CMKLR1: variants seen among roughly 807,000 people sequenced by gnomAD.
CMKLR1 encodes chemerin chemokine-like receptor 1.
CMKLR1 carries 6 observed loss-of-function variants against 8.2 expected under a neutral mutation model. The observed-to-expected ratio is 0.73, with a 90% CI of 0.40 to 1.44. The LOEUF is 1.44. Ranked by LOEUF, CMKLR1 falls within the 40% of genes most tolerant of loss-of-function variation. The pLI is 0.02. For missense variants in CMKLR1, 429 were observed against 478.0 expected (o/e 0.90, Z 0.96); for synonymous variants, 178 against 181.2 (o/e 0.98, Z 0.14).
chr12:108,324,153 G>A (rs917727732), intron 2 of CMKLR1, among the ~76,000 whole-genome samples: 6 of 152,150 alleles, frequency 3.9e-5, no homozygotes, highest in East Asian at 1.9e-4. Context: ...GGTTCTTGCC[G>A]GTCTCTTTTT....
intron 2 of CMKLR1, among the ~76,000 whole-genome samples, chr12:108,324,937 T>C (rs1891947383): frequency 6.6e-6 from 1 of 152,044 alleles, no homozygotes; most frequent in Admixed American, 6.5e-5. Context: ...ACCCAGGGCC[T>C]TGAGAACACT....
chr12:108,325,436 G>A (rs1030394985), intron 2 of CMKLR1, among the ~76,000 whole-genome samples: 1 of 151,112 alleles, frequency 6.6e-6, no homozygotes, highest in East Asian at 2.0e-4. Flanking sequence ...TAGACTCCTG[G>A]CAGGTGCAAG....
At chr12:108,300,480 T>A (rs1302805093) in intron 2 of CMKLR1, among the ~76,000 whole-genome samples, 3 of 152,094 alleles carry the variant, frequency 2.0e-5, no homozygotes, top group African/African-American at 7.2e-5. Context: ...AATGAATGAA[T>A]GAATGAATGA....
rs764182886 is a variant in CMKLR1 at position 108,289,912 on chromosome 12, A to C, written c.*1929T>G. On this transcript the variant is annotated 3_prime_UTR_variant, in exon 4 of 4. Transcript: ENST00000550402. ...GGTAGACATTGCATCTGTTCATTGC[A>C]TCTTGTTGGAGAATCAGCTTAACAA... 1 of 152,272 alleles carries C rather than the reference A, an allele frequency of 6.6e-6. No homozygotes were observed. The highest frequency in any genetic ancestry group is 1.5e-5 in the Non-Finnish European group (1 of 68,058). The allele number at this position is 152,272 out of a possible 1,614,324, so 9.4% of individuals were successfully genotyped here. A position where few individuals can be genotyped will look rare whatever the true frequency, so the allele number is the denominator to read the frequency against.
chr12:108,312,199 G>A (rs548478385), intron 2 of CMKLR1, among the ~76,000 whole-genome samples: 3 of 152,314 alleles, frequency 2.0e-5, no homozygotes, highest in Admixed American at 2.0e-4. Context: ...GCTGTAAAAG[G>A]AACCAGATCA....
chr12:108,323,105 G>A (rs1022601788), intron 2 of CMKLR1, among the ~76,000 whole-genome samples: 1 of 152,152 alleles, frequency 6.6e-6, no homozygotes, highest in Non-Finnish European at 1.5e-5. Flanking sequence ...GGGATTTCAT[G>A]AACTGGTTAC....
At chr12:108,297,890 T>G (rs1891175752) in intron 2 of CMKLR1, among the ~76,000 whole-genome samples, 1 of 152,224 alleles carries the variant, frequency 6.6e-6, no homozygotes. Context: ...TCAAGGCCTC[T>G]GCAGTCAGTT....
intron 2 of CMKLR1, among the ~76,000 whole-genome samples, chr12:108,304,153 C>T (rs977232044): frequency 6.6e-6 from 1 of 152,162 alleles, no homozygotes; most frequent in Non-Finnish European, 1.5e-5. Context: ...GGGTGTTTAC[C>T]CTCCAGCTCC....
At chr12:108,299,925 C>T (rs1253638966) in intron 2 of CMKLR1, among the ~76,000 whole-genome samples, 4 of 152,220 alleles carry the variant, frequency 2.6e-5, no homozygotes, top group South Asian at 2.1e-4. Context: ...AACAAATACA[C>T]TCCCCATTCT....
intron 2 of CMKLR1, among the ~76,000 whole-genome samples, chr12:108,315,794 A>G (rs530671850): frequency 1.3e-5 from 2 of 152,344 alleles, no homozygotes; most frequent in East Asian, 1.9e-4. Flanking sequence ...CAAAGCCCCT[A>G]TGGTTTCAGC....
chr12:108,302,523 A>C (rs1372633015), intron 2 of CMKLR1, among the ~76,000 whole-genome samples: 1 of 149,732 alleles, frequency 6.7e-6, no homozygotes, highest in Admixed American at 6.7e-5. Context: ...GGGGTGCAGC[A>C]TCCCACAGCG....
Position 108,292,892 on chromosome 12 carries a change from G to A in CMKLR1, c.71C>T (p.Ser24Phe). 1 of 1,614,060 alleles carries A rather than the reference G, an allele frequency of 6.2e-7. No individual in the cohort carries two copies. The highest frequency in any genetic ancestry group is 8.5e-7 in the Non-Finnish European group (1 of 1,179,970). The change falls in exon 4 of 4, where the codon TCC becomes TTC. Residue 24 changes from serine to phenylalanine, a missense_variant. Transcript: ENST00000550402. ...YGDEYPDYLD[S>F]IVVLEDLSPL... Reference sequence around the variant, plus strand: ...GGATAAGTCCTCCAAAACCACAATGGAGTCTAAATAATCAGGGTATTCATC... The same window carrying A: ...GGATAAGTCCTCCAAAACCACAATGAAGTCTAAATAATCAGGGTATTCATC...
In CMKLR1 at chr12:108,328,656, C is replaced by T. The variant is rs113999530; in HGVS notation, c.-74+1339G>A. 9.3e-3 allele frequency among the ~76,000 whole-genome samples: 1,418 copies of T among 152,304 alleles called. 20 individuals carry two copies. Among genetic ancestry groups the T allele is most frequent in the African/African-American group, 0.032 (1,328 of 41,558 alleles). The stretch of plus-strand genomic sequence containing the variant: ...AATCCCTGACAGCTGAAGAGGCCCC[C>T]TGTGAGTTGAGTCTGTCATAAAAAA... On this transcript the variant is annotated intron_variant, in intron 2 of 3. Transcript: ENST00000550402.
chr12:108,308,206 G>A (rs1241437129), intron 2 of CMKLR1, among the ~76,000 whole-genome samples: 1 of 152,170 alleles, frequency 6.6e-6, no homozygotes, highest in East Asian at 1.9e-4. Flanking sequence ...AGCCTCATCT[G>A]TAGCATCTGT....
intron 2 of CMKLR1, among the ~76,000 whole-genome samples, chr12:108,323,248 C>T (rs914703259): frequency 3.9e-5 from 6 of 152,186 alleles, no homozygotes; most frequent in Admixed American, 6.5e-5. Context: ...TTAATACCCA[C>T]GAAAATAGGT....
At chr12:108,310,784 G>A (rs1299074415) in intron 2 of CMKLR1, among the ~76,000 whole-genome samples, 1 of 152,152 alleles carries the variant, frequency 6.6e-6, no homozygotes, top group Non-Finnish European at 1.5e-5. Context: ...GGTTGCCATG[G>A]TAACACCGAG....
chr12:108,321,206 GGCAAGT>G (rs1891853845), intron 2 of CMKLR1, among the ~76,000 whole-genome samples: 1 of 152,160 alleles, frequency 6.6e-6, no homozygotes, highest in Non-Finnish European at 1.5e-5. Context: ...GACTGGAGGA[GGCAAGT>G]GAGGCACTTG....
At chr12:108,337,347 C>T (rs1370316573) in intron 1 of CMKLR1, among the ~76,000 whole-genome samples, 3 of 152,148 alleles carry the variant, frequency 2.0e-5, no homozygotes, top group Non-Finnish European at 4.4e-5. Context: ...GACTTCAGTC[C>T]AACTTCCCCC....
At chr12:108,334,596 T>C (rs1282999634) in intron 1 of CMKLR1, among the ~76,000 whole-genome samples, 1 of 152,222 alleles carries the variant, frequency 6.6e-6, no homozygotes, top group African/African-American at 2.4e-5. Context: ...ACTTCCCTCA[T>C]GCCCAGCCCT....
Sources: allele counts gnomAD v4.1 joint callset (sites outside exome capture counted in the v4.1 genomes callset), GRCh38; gene constraint gnomAD v4.1.1; transcripts MANE v1.5; gene names NCBI Gene and HGNC (gene_info 2026-07-23, HGNC 2026-07-21).